TGFBR3L: variants seen among roughly 807,000 people sequenced by gnomAD.
The protein encoded by TGFBR3L is transforming growth factor beta receptor 3 like.
Under a neutral mutation model 20.4 loss-of-function variants are expected in TGFBR3L, and 21 were observed. That is an observed-to-expected ratio of 1.03 (90% CI 0.73 to 1.48). The LOEUF is 1.48. TGFBR3L is among the 40% of genes most tolerant of loss of function. The probability of loss-of-function intolerance (pLI) is 0.00; values close to 1 mark genes in which losing one functional copy is unlikely to be tolerated. For synonymous variants in TGFBR3L, 245 were observed against 244.2 expected, an observed-to-expected ratio of 1.00 and a Z score of -0.03; for missense variants, 479 against 498.0, an observed-to-expected ratio of 0.96 and a Z score of 0.36.
In TGFBR3L at chr19:7,916,428, C is replaced by G; in HGVS notation, c.161C>G (p.Pro54Arg). 1 of 1,534,714 alleles carries G rather than the reference C, an allele frequency of 6.5e-7. No homozygotes were observed. The highest frequency in any genetic ancestry group is 8.7e-7 in the Non-Finnish European group (1 of 1,146,310). ...CCAGCTCCCCCGTTCCCCGCGGCGC[C>G]CGGCCCCTGGCTGCGCAGACCCCTC... Residue 54 changes from proline to arginine, a missense_variant, in exon 1 of 6, where the codon CCC (proline) becomes CGC (arginine). Coordinates refer to ENST00000565886, the MANE Select transcript of TGFBR3L (RefSeq NM_001195259.2).
rs2145156993 is a variant in TGFBR3L at position 7,917,767 on chromosome 19, T to TG, written c.793dup (p.Glu265GlyfsTer88). On this transcript the variant is annotated frameshift_variant, in exon 4 of 6. Transcript: ENST00000565886. LOFTEE classifies it high-confidence loss of function. ...CCTCCCGCGCCGGCCCCCGCGGCCC[T>TG]GGAACCCGCGCCGGTGGTGGCGCTG... 2.1e-6 allele frequency: 3 copies of TG among 1,441,886 alleles called. No homozygotes were observed. The highest frequency in any genetic ancestry group is 2.7e-6 in the Non-Finnish European group (3 of 1,105,536). The allele number at this position is 1,441,886 out of a possible 1,614,324, so 89.3% of individuals were successfully genotyped here. A position where few individuals can be genotyped will look rare whatever the true frequency, so the allele number is the denominator to read the frequency against.
chr19:7,918,020 CGCAGCAGCCCTTCT>C, intron 4 of TGFBR3L, 23 bp from the exon 6 acceptor site: 2 of 1,525,116 alleles, frequency 1.3e-6, no homozygotes, highest in Non-Finnish European at 1.8e-6. Context: ...TGGCGTGGCG[CGCAGCAGCCCTTCT>C]GCAGCTCGCC....
At position 7,916,254 on chromosome 19, in the gene TGFBR3L, G is replaced by A; in HGVS notation, c.-14G>A. ...CACATCACCGTCAGGGGGGAAAGTGGCGCGGAGCCCATCATGGGTGAATCG... is the reference window on the plus strand; with the variant it reads ...CACATCACCGTCAGGGGGGAAAGTGACGCGGAGCCCATCATGGGTGAATCG... On this transcript the variant is annotated 5_prime_UTR_variant, in exon 1 of 6. Coordinates refer to ENST00000565886, the MANE Select transcript of TGFBR3L (RefSeq NM_001195259.2). 6.5e-7 allele frequency: 1 copy of A among 1,530,948 alleles called. No individual in the cohort carries two copies. The highest frequency in any genetic ancestry group is 1.2e-5 in the South Asian group (1 of 83,650). 94.8% of individuals were successfully genotyped at this position (1,530,948 alleles called of 1,614,324 possible). A position where few individuals can be genotyped will look rare whatever the true frequency, so the allele number is the denominator to read the frequency against.
rs1411559102 is a variant in TGFBR3L at position 7,916,419 on chromosome 19, C to T, written c.152C>T (p.Pro51Leu). 1.3e-6 allele frequency: 2 copies of T among 1,534,888 alleles called. No homozygotes were observed. The highest frequency in any genetic ancestry group is 1.2e-5 in the South Asian group (1 of 83,990). ...CCCGCCCCGCCAGCTCCCCCGTTCC[C>T]CGCGGCGCCCGGCCCCTGGCTGCGC... Residue 51 changes from proline to leucine, a missense_variant, in exon 1 of 6, where the codon CCC becomes CTC. Pro to Leu is a moderately conservative substitution (Grantham distance 98). Coordinates refer to ENST00000565886, the MANE Select transcript of TGFBR3L (RefSeq NM_001195259.2).
Position 7,916,949 on chromosome 19 carries a change from G to A in TGFBR3L, c.597+7G>A. The A allele has an allele frequency of 3.1e-6, 4 of 1,282,660 alleles. No individual in the cohort carries two copies. Among genetic ancestry groups the A allele is most frequent in the Middle Eastern group, 3.0e-4 (1 of 3,364 alleles). 79.5% of individuals were successfully genotyped at this position (1,282,660 alleles called of 1,614,324 possible). ...GCCGCCGCCGCCATCGCGGGTGCGCGGGCGCAGAGCCTGGAATCCGGGCGC... is the reference window on the plus strand; with the variant it reads ...GCCGCCGCCGCCATCGCGGGTGCGCAGGCGCAGAGCCTGGAATCCGGGCGC... On this transcript the variant is annotated splice_region_variant and intron_variant, in intron 2 of 5. Coordinates refer to ENST00000565886, the MANE Select transcript of TGFBR3L (RefSeq NM_001195259.2).
In TGFBR3L at chr19:7,915,423, C is replaced by G. The variant is rs1199835204; in HGVS notation, c.-845C>G. ...AAGCTCCCTGCAGCCACGGAGAGGG[C>G]CAGAGTTGTGGGAGGGGGCCAGTCT... is the stretch of plus-strand genomic sequence containing the variant. On this transcript the variant is annotated 5_prime_UTR_variant, in exon 1 of 6. Coordinates refer to ENST00000565886, the MANE Select transcript of TGFBR3L (RefSeq NM_001195259.2). Among the ~76,000 whole-genome samples the G allele has an allele frequency of 6.6e-6, 1 of 152,068 alleles. No individual in the cohort carries two copies.
intron 2 of TGFBR3L, 76 bp downstream of exon 3, chr19:7,917,018 AAG>A: frequency 2.4e-6 from 3 of 1,258,898 alleles, no homozygotes; most frequent in Non-Finnish European, 3.0e-6. Context: ...TGGCAGTGGA[AAG>A]AGGATACTCT....
In TGFBR3L at chr19:7,918,129, G is replaced by C; in HGVS notation, c.*5G>C. 1 of 1,535,312 alleles carries C rather than the reference G, an allele frequency of 6.5e-7. No individual in the cohort carries two copies. Among genetic ancestry groups the C allele is most frequent in the Non-Finnish European group, 8.7e-7 (1 of 1,146,378 alleles). The stretch of plus-strand genomic sequence containing the variant: ...CAGCCCAGGAGGTCCCAGTGAGGAA[G>C]GTAGGTATGGAGGTGGAGGGAGCTG... On this transcript the variant is annotated splice_region_variant and 3_prime_UTR_variant, in exon 5 of 6. Transcript: ENST00000565886.
Position 7,915,767 on chromosome 19 carries a change from A to G in TGFBR3L, c.-501A>G, listed in dbSNP as rs927715480. On this transcript the variant is annotated 5_prime_UTR_variant, in exon 1 of 6. Transcript: ENST00000565886. Reference sequence around the variant, plus strand: ...AACAAGAAAAATGGATGTGCAGGCAATCTTTCGTATTTGGAGATTAGCCGT... The same window carrying G: ...AACAAGAAAAATGGATGTGCAGGCAGTCTTTCGTATTTGGAGATTAGCCGT... 2.0e-5 allele frequency among the ~76,000 whole-genome samples: 3 copies of G among 152,146 alleles called. No homozygotes were observed. The highest frequency in any genetic ancestry group is 7.2e-5 in the African/African-American group (3 of 41,414).
At chr19:7,918,390 C>A (rs185209605) in intron 5 of TGFBR3L, among the ~76,000 whole-genome samples, 1 of 152,328 alleles carries the variant, frequency 6.6e-6, no homozygotes, top group African/African-American at 2.4e-5. Flanking sequence ...GCATGCGCCA[C>A]CACACCCGGC....
chr19:7,916,555 G>A lies in TGFBR3L; in HGVS notation c.276+12G>A. The A allele has an allele frequency of 2.7e-6, 4 of 1,454,986 alleles. No homozygotes were observed. The highest frequency in any genetic ancestry group is 3.6e-6 in the Non-Finnish European group (4 of 1,108,732). 90.1% of individuals were successfully genotyped at this position (1,454,986 alleles called of 1,614,324 possible). A position where few individuals can be genotyped will look rare whatever the true frequency, so the allele number is the denominator to read the frequency against. ...GCGTGTTCGTGCAGGTGGGGACCCC[G>A]GGGACACCAGGGGCGGATGGGGGCC... On this transcript the variant is annotated intron_variant, in intron 1 of 5. Transcript: ENST00000565886.
Position 7,916,824 on chromosome 19 carries a change from C to G in TGFBR3L, c.479C>G (p.Pro160Arg), listed in dbSNP as rs967855802. The change falls in exon 2 of 6, where the codon CCG becomes CGG. Residue 160 changes from proline to arginine, a missense_variant. Transcript: ENST00000565886. ...GCGCGTTTCAGCTTCCGCCTGCGCC[C>G]GGTCTTCAACGCCTCGGTGCAGTTC... 5 of 1,480,482 alleles carry G rather than the reference C, an allele frequency of 3.4e-6. No individual in the cohort carries two copies. Among genetic ancestry groups the G allele is most frequent in the African/African-American group, 1.5e-5 (1 of 68,416 alleles). 91.7% of individuals were successfully genotyped at this position (1,480,482 alleles called of 1,614,324 possible).
At chr19:7,916,996 C>T (rs930116981) in intron 2 of TGFBR3L, 54 bp downstream of exon 3, 7 of 1,262,738 alleles carry the variant, frequency 5.5e-6, no homozygotes, top group Non-Finnish European at 6.9e-6. Flanking sequence ...GGGGGCTGGG[C>T]ACGGGCGACT....
At position 7,914,898 on chromosome 19, in the gene TGFBR3L, C is replaced by G. The variant is rs922876412; in HGVS notation, c.-1370C>G. On this transcript the variant is annotated 5_prime_UTR_variant, in exon 1 of 6. Transcript: ENST00000565886. ...TGCTGCTGGCCCTGCTCCCAGGGATCACCACCTTACCCAGCGGGCCACCTG... is the reference window on the plus strand; with the variant it reads ...TGCTGCTGGCCCTGCTCCCAGGGATGACCACCTTACCCAGCGGGCCACCTG... Among the ~76,000 whole-genome samples the G allele has an allele frequency of 2.0e-5, 3 of 152,186 alleles. No individual in the cohort carries two copies. The highest frequency in any genetic ancestry group is 7.2e-5 in the African/African-American group (3 of 41,438).
chr19:7,917,847 T>A lies in TGFBR3L; in HGVS notation c.871T>A (p.Cys291Ser). Reference sequence around the variant, plus strand: ...GCTGGCCGCCGGGCTGGGTCTCGTCTGTGCGCACTCAGGTACCGACGACCT... The same window carrying A: ...GCTGGCCGCCGGGCTGGGTCTCGTCAGTGCGCACTCAGGTACCGACGACCT... Residue 291 changes from cysteine (C) to serine (S), a missense_variant, in exon 4 of 6, where the codon TGT becomes AGT. Coordinates refer to ENST00000565886, the MANE Select transcript of TGFBR3L (RefSeq NM_001195259.2). 7.3e-7 allele frequency: 1 copy of A among 1,376,818 alleles called. No individual in the cohort carries two copies. 85.3% of individuals were successfully genotyped at this position (1,376,818 alleles called of 1,614,324 possible). A position where few individuals can be genotyped will look rare whatever the true frequency, so the allele number is the denominator to read the frequency against.
intron 2 of TGFBR3L, 130 bp downstream of exon 3, chr19:7,917,072 G>A (rs984340872): frequency 1.7e-6 from 2 of 1,190,190 alleles, no homozygotes; most frequent in African/African-American, 1.6e-5. Context: ...TGGGGCGCAA[G>A]GGTCCATCTC....
In TGFBR3L at chr19:7,917,606, A is replaced by C; in HGVS notation, c.724+7A>C. 2 of 1,470,696 alleles carry C rather than the reference A, an allele frequency of 1.4e-6. No homozygotes were observed. The highest frequency in any genetic ancestry group is 1.4e-5 in the African/African-American group (1 of 70,214). The allele number at this position is 1,470,696 out of a possible 1,614,324, so 91.1% of individuals were successfully genotyped here. On this transcript the variant is annotated splice_region_variant and intron_variant, in intron 3 of 5. Transcript: ENST00000565886. ...GTGCCGCGGCCGCCCCCCAGTGAGC[A>C]CGCAGTCCTCCTCCGCATGGGGCCG...
At chr19:7,918,718 C>T (rs1170515977) in intron 5 of TGFBR3L, 199 bp from the exon 7 acceptor site, 2 of 394,616 alleles carry the variant, frequency 5.1e-6, no homozygotes, top group Non-Finnish European at 8.9e-6. Flanking sequence ...AGTGGGTCAC[C>T]CGCGGCAGGC....
Position 7,916,317 on chromosome 19 carries a change from G to T in TGFBR3L, c.50G>T (p.Arg17Leu). Residue 17 changes from arginine (R) to leucine (L), a missense_variant, in exon 1 of 6, where the codon CGG (arginine) becomes CTG (leucine). Arg to Leu is a moderately radical substitution (Grantham distance 102). Transcript: ENST00000565886. ...GCATCCCTTTTCCAAAGGCGGCGGC[G>T]GGGGCGAGGTGGTCGGGTCACTTTT... 6.5e-7 allele frequency: 1 copy of T among 1,535,576 alleles called. No homozygotes were observed. Among genetic ancestry groups the T allele is most frequent in the Non-Finnish European group, 8.7e-7 (1 of 1,146,740 alleles).
Sources: allele counts gnomAD v4.1 joint callset (sites outside exome capture counted in the v4.1 genomes callset), GRCh38; gene constraint gnomAD v4.1.1; transcripts MANE v1.5; gene names NCBI Gene and HGNC (gene_info 2026-07-23, HGNC 2026-07-21).